Variants in DSCAM observed in about 807,000 individuals in gnomAD.
The protein encoded by DSCAM is DS cell adhesion molecule.
In DSCAM, 47 loss-of-function variants were observed where a neutral mutation model predicts 217.7. That is an observed-to-expected ratio of 0.22 (90% confidence interval 0.17 to 0.28). The LOEUF (loss-of-function observed/expected upper bound fraction) is 0.28, where lower values mean the gene tolerates loss of function less well. Among genes scored for constraint, DSCAM ranks in the 10% least tolerant of loss-of-function variants. The pLI is 1.00. For synonymous variants in DSCAM, 1,056 were observed against 1,015.3 expected (o/e 1.04, Z -0.76); for missense variants, 2,080 against 2,618.3 (o/e 0.79, Z 4.49).
At chr21:40,685,890 G>C (rs2090467061) in intron 3 of DSCAM, among the ~76,000 whole-genome samples, 1 of 152,038 alleles carries the variant, frequency 6.6e-6, no homozygotes, top group Non-Finnish European at 1.5e-5. Context: ...TTGTGGGAGA[G>C]GACTAGAGAA....
chr21:40,187,068 T>C (rs1329770895), intron 14 of DSCAM, 63 bp downstream of exon 14: 4 of 1,593,972 alleles, frequency 2.5e-6, no homozygotes, highest in Admixed American at 3.4e-5. Context: ...AACACATTAA[T>C]AAGGAGAAAA....
At chr21:40,767,228 AGAGT>A (rs1270021524) in intron 1 of DSCAM, among the ~76,000 whole-genome samples, 1 of 152,192 alleles carries the variant, frequency 6.6e-6, no homozygotes, top group East Asian at 1.9e-4. Flanking sequence ...TTTTCCTACT[AGAGT>A]AAGTAAGCAG....
intron 1 of DSCAM, among the ~76,000 whole-genome samples, chr21:40,786,835 G>T (rs1220834453): frequency 6.6e-6 from 1 of 152,142 alleles, no homozygotes; most frequent in Non-Finnish European, 1.5e-5. Context: ...ATATGATATG[G>T]ATATGGAATC....
At chr21:40,284,633 T>C (rs1192639162) in intron 10 of DSCAM, among the ~76,000 whole-genome samples, 1 of 152,238 alleles carries the variant, frequency 6.6e-6, no homozygotes, top group Non-Finnish European at 1.5e-5. Flanking sequence ...GTGGGAGAAC[T>C]ACAAATCACT....
intron 3 of DSCAM, among the ~76,000 whole-genome samples, chr21:40,452,237 T>TTCACACACACACACAC (rs111465484): frequency 6.9e-6 from 1 of 144,454 alleles, no homozygotes; most frequent in Non-Finnish European, 1.5e-5. Context: ...TACACTATAT[T>TTCACACACACACACAC]ACACACACAC....
intron 11 of DSCAM, among the ~76,000 whole-genome samples, chr21:40,236,089 C>A (rs1464345823): frequency 6.6e-6 from 1 of 152,116 alleles, no homozygotes; most frequent in Non-Finnish European, 1.5e-5. Flanking sequence ...AATATATAAA[C>A]TTGTTTCTGC....
intron 21 of DSCAM, among the ~76,000 whole-genome samples, chr21:40,091,690 G>A (rs921032948): frequency 3.9e-5 from 6 of 152,148 alleles, no homozygotes; most frequent in African/African-American, 1.4e-4. Flanking sequence ...GGGGTTTAAT[G>A]GACTCACAGT....
chr21:40,451,637 A>C (rs2075720576), intron 3 of DSCAM, among the ~76,000 whole-genome samples: 1 of 152,218 alleles, frequency 6.6e-6, no homozygotes, highest in African/African-American at 2.4e-5. Flanking sequence ...CAACAATGAT[A>C]GTAATTTAGC....
At chr21:40,525,172 A>G (rs1434773582) in intron 3 of DSCAM, among the ~76,000 whole-genome samples, 1 of 152,164 alleles carries the variant, frequency 6.6e-6, no homozygotes, top group Non-Finnish European at 1.5e-5. Flanking sequence ...GTGTTTTTAC[A>G]TACTGTTGAG....
At chr21:40,799,861 T>C (rs2091723909) in intron 1 of DSCAM, among the ~76,000 whole-genome samples, 1 of 152,222 alleles carries the variant, frequency 6.6e-6, no homozygotes, top group Admixed American at 6.5e-5. Context: ...CCTTTAGCCA[T>C]ATAAGGTAGC....
At chr21:40,366,013 T>C (rs2074828683) in intron 4 of DSCAM, among the ~76,000 whole-genome samples, 1 of 152,206 alleles carries the variant, frequency 6.6e-6, no homozygotes, top group Non-Finnish European at 1.5e-5. Context: ...TTCATTAGTC[T>C]GTTTATATTC....
chr21:40,672,952 T>C lies in DSCAM; in HGVS notation c.508+19858A>G, dbSNP rs554998217. 9.9e-5 allele frequency among the ~76,000 whole-genome samples: 15 copies of C among 152,274 alleles called. No homozygotes were observed. In the East Asian group the frequency reaches 2.9e-3, roughly 29 times the overall value. ...GGTATGTTTGCTCTCCCCCGCACTT[T>C]TCTCCACACAGCAACAGCAGTCACA... On this transcript the variant is annotated intron_variant, in intron 3 of 32. Transcript: ENST00000400454.
chr21:40,745,844 C>T lies in DSCAM; in HGVS notation c.44-37073G>A, dbSNP rs145006272. Reference sequence around the variant, plus strand: ...AAACAATTATTAAAGATAGTAATTACAACAATTAGTTAAGAGTTAATATAA... The same window carrying T: ...AAACAATTATTAAAGATAGTAATTATAACAATTAGTTAAGAGTTAATATAA... On this transcript the variant is annotated intron_variant, in intron 1 of 32. Transcript: ENST00000400454. Among the ~76,000 whole-genome samples the T allele has an allele frequency of 7.0e-3, 1,061 of 152,010 alleles. 14 individuals are homozygous for T. Among genetic ancestry groups the T allele is most frequent in the African/African-American group, 0.024 (1,012 of 41,508 alleles).
intron 3 of DSCAM, among the ~76,000 whole-genome samples, chr21:40,559,464 A>G (rs2076699886): frequency 6.6e-6 from 1 of 151,780 alleles, no homozygotes; most frequent in African/African-American, 2.4e-5. Context: ...GTCTCAAAAA[A>G]AAAAAAAAAA....
chr21:40,195,400 A>C (rs2090997031), intron 11 of DSCAM, among the ~76,000 whole-genome samples: 1 of 152,250 alleles, frequency 6.6e-6, no homozygotes, highest in South Asian at 2.1e-4. Context: ...AGCCTGGATA[A>C]TCCCGAATGA....
intron 11 of DSCAM, among the ~76,000 whole-genome samples, chr21:40,199,177 A>G (rs1016712630): frequency 5.3e-5 from 8 of 152,176 alleles, no homozygotes; most frequent in African/African-American, 1.9e-4. Flanking sequence ...TCCACTTGCA[A>G]TCAACATCTT....
intron 3 of DSCAM, among the ~76,000 whole-genome samples, chr21:40,687,132 C>T (rs1272565544): frequency 2.0e-5 from 3 of 152,044 alleles, no homozygotes; most frequent in Non-Finnish European, 2.9e-5. Flanking sequence ...ATGATACATA[C>T]AAAGACAGAT....
chr21:40,202,752 G>A (rs2091083957), intron 11 of DSCAM, among the ~76,000 whole-genome samples: 1 of 152,148 alleles, frequency 6.6e-6, no homozygotes. Flanking sequence ...CTGACCATGT[G>A]ATCTTCATCT....
At chr21:40,139,284 C>T (rs149366791) in intron 18 of DSCAM, among the ~76,000 whole-genome samples, 225 of 152,026 alleles carry the variant, frequency 1.5e-3, no homozygotes, top group African/African-American at 4.8e-3. Flanking sequence ...CCTGACAACA[C>T]GTGCCCAGGG....
Sources: gnomAD v4.1 joint callset for allele counts (sites outside exome capture counted in the v4.1 genomes callset) on GRCh38, gnomAD v4.1.1 for gene constraint, MANE v1.5 for transcripts, NCBI Gene and HGNC (gene_info 2026-07-23, HGNC 2026-07-21) for gene names.